The following CFAP47 variants were observed in gnomAD, a reference collection of about 807,000 sequenced individuals.
CFAP47 encodes the protein cilia and flagella associated protein 47.
A neutral mutation model predicts 148.1 loss-of-function variants in CFAP47; 29 were observed. The observed-to-expected ratio is 0.20, with a 90% confidence interval of 0.15 to 0.27. The LOEUF is 0.27. Among genes scored for constraint, CFAP47 ranks in the 10% least tolerant of loss-of-function variants. The pLI is 1.00. For synonymous variants in CFAP47, 664 were observed against 577.3 expected (o/e 1.15, Z -2.15); for missense variants, 1,872 against 1,697.5 (o/e 1.10, Z -1.81).
chrX:36,264,298 C>A (rs1940865157), intron 49 of CFAP47, among the ~76,000 whole-genome samples: 1 of 111,494 alleles, frequency 9.0e-6, no homozygotes, highest in Non-Finnish European at 1.9e-5. Context: ...CCCCCCAGTC[C>A]ATTGTCTCTG....
intron 25 of CFAP47, among the ~76,000 whole-genome samples, chrX:36,042,829 A>G (rs1173395464): frequency 8.9e-6 from 1 of 111,765 alleles, no homozygotes; most frequent in Non-Finnish European, 1.9e-5. Context: ...TTAATTTTAT[A>G]TGGAAGGGTC....
intron 42 of CFAP47, among the ~76,000 whole-genome samples, chrX:36,191,945 T>C (rs1275826274): frequency 9.0e-6 from 1 of 110,882 alleles, no homozygotes. Flanking sequence ...ATCATGCCAC[T>C]GCACTGTAAG....
At chrX:36,113,879 G>A (rs1221487622) in intron 33 of CFAP47, among the ~76,000 whole-genome samples, 1 of 105,407 alleles carries the variant, frequency 9.5e-6, no homozygotes, top group Non-Finnish European at 1.9e-5. Flanking sequence ...GCACGATCTC[G>A]GCTCACTGCA....
intron 1 of CFAP47, among the ~76,000 whole-genome samples, chrX:35,920,636 T>C (rs1393600021): frequency 9.0e-6 from 1 of 111,632 alleles, no homozygotes; most frequent in African/African-American, 3.3e-5. Flanking sequence ...TGTTTCTATC[T>C]TCTAATTTAA....
rs140142717 is a variant in CFAP47, at chrX:35,979,230, C to A, written c.2713+3317C>A. ...CTGACCTCAGGTGATCCGCCTGCCT[C>A]GGCCTCTCAAAGTGCTGGGATTACA... On this transcript the variant is annotated intron_variant, in intron 15 of 63. Coordinates refer to ENST00000378653, the MANE Select transcript of CFAP47 (RefSeq NM_001304548.2). Among the ~76,000 whole-genome samples, 651 of 111,032 alleles carry A rather than the reference C, an allele frequency of 5.9e-3. 7 individuals carry two copies. The highest frequency in any genetic ancestry group is 0.02 in the African/African-American group (621 of 30,507).
At chrX:36,209,410 C>T (rs1251953817) in intron 45 of CFAP47, among the ~76,000 whole-genome samples, 1 of 111,374 alleles carries the variant, frequency 9.0e-6, no homozygotes, top group African/African-American at 3.3e-5. Context: ...CAATTATAGT[C>T]CATATAAGAA....
chrX:36,292,704 T>A (rs1439674425), intron 51 of CFAP47, among the ~76,000 whole-genome samples: 1 of 111,350 alleles, frequency 9.0e-6, no homozygotes, highest in Admixed American at 9.6e-5. Flanking sequence ...CCTCTTAGAG[T>A]AGGTATGAAC....
chrX:36,347,229 A>G (rs1364220296), intron 57 of CFAP47, among the ~76,000 whole-genome samples: 6 of 112,112 alleles, frequency 5.4e-5, no homozygotes, highest in African/African-American at 1.6e-4. Context: ...CAAAACCACA[A>G]TGAGATACCA....
intron 45 of CFAP47, among the ~76,000 whole-genome samples, chrX:36,227,848 A>G (rs782570660): frequency 3.6e-5 from 4 of 112,072 alleles, no homozygotes; most frequent in Non-Finnish European, 5.7e-5. Context: ...AGGGTTGCCA[A>G]ATTTTTATAA....
chrX:35,936,598 A>T (rs1009722753), intron 2 of CFAP47, among the ~76,000 whole-genome samples: 4 of 108,452 alleles, frequency 3.7e-5, no homozygotes, highest in Non-Finnish European at 5.8e-5. Flanking sequence ...TGAATGCTAA[A>T]TTTTTTTTTC....
chrX:35,987,636 T>A (rs1936734916), intron 15 of CFAP47, among the ~76,000 whole-genome samples: 1 of 111,398 alleles, frequency 9.0e-6, no homozygotes, highest in East Asian at 2.8e-4. Context: ...TCACTGGCAT[T>A]CCAGGTGCCA....
intron 63 of CFAP47, among the ~76,000 whole-genome samples, chrX:36,383,844 T>G (rs1942102145): frequency 8.9e-6 from 1 of 111,893 alleles, no homozygotes; most frequent in Admixed American, 9.5e-5. Flanking sequence ...GGTGTAAATC[T>G]TAATGTTAGG....
intron 33 of CFAP47, among the ~76,000 whole-genome samples, chrX:36,110,486 A>G (rs772559270): frequency 4.5e-5 from 5 of 111,270 alleles, no homozygotes; most frequent in Non-Finnish European, 7.5e-5. Context: ...TTTTTGTACC[A>G]GTCATCCCCT....
intron 45 of CFAP47, among the ~76,000 whole-genome samples, chrX:36,210,136 G>A (rs1940083929): frequency 8.9e-6 from 1 of 111,977 alleles, no homozygotes; most frequent in Non-Finnish European, 1.9e-5. Context: ...CTACCTTTTA[G>A]CTACCATGAA....
intron 56 of CFAP47, among the ~76,000 whole-genome samples, chrX:36,315,589 A>G (rs975677559): frequency 7.1e-5 from 8 of 112,361 alleles, no homozygotes; most frequent in African/African-American, 2.6e-4. Context: ...GACAACAAAT[A>G]TTCAACTAGT....
chrX:36,099,900 C>T (rs201675425), intron 32 of CFAP47, 21 bp downstream of exon 32: 14 of 826,337 alleles, frequency 1.7e-5, no homozygotes, highest in African/African-American at 1.0e-4. Context: ...CATTATTGTT[C>T]GCTGCTTCTC....
intron 29 of CFAP47, among the ~76,000 whole-genome samples, chrX:36,080,177 A>G (rs1439678567): frequency 8.9e-6 from 1 of 112,327 alleles, no homozygotes; most frequent in East Asian, 2.8e-4. Context: ...AACACATGAA[A>G]AAATGCTCAT....
chrX:36,115,941 A>G (rs1403319841), intron 33 of CFAP47, among the ~76,000 whole-genome samples: 1 of 112,018 alleles, frequency 8.9e-6, no homozygotes, highest in Non-Finnish European at 1.9e-5. Context: ...ACTTTTCTTT[A>G]TAGTTTGAAT....
chrX:36,171,294 G>C (rs1319054803), intron 39 of CFAP47, among the ~76,000 whole-genome samples: 1 of 109,606 alleles, frequency 9.1e-6, no homozygotes, highest in Non-Finnish European at 1.9e-5. Context: ...AGAAGCTCTT[G>C]AGTTTAATTA....
Sources: gnomAD v4.1 joint callset for allele counts (sites outside exome capture counted in the v4.1 genomes callset) on GRCh38, gnomAD v4.1.1 for gene constraint, MANE v1.5 for transcripts, NCBI Gene and HGNC (gene_info 2026-07-23, HGNC 2026-07-21) for gene names.